The following RIMS2 variants were observed in gnomAD, a reference collection of about 807,000 sequenced individuals.
RIMS2 encodes regulating synaptic membrane exocytosis 2, also known as regulating synaptic membrane exocytosis protein 2.
Under a neutral mutation model 174.4 loss-of-function variants are expected in RIMS2, and 59 were observed. The observed-to-expected ratio is 0.34, with a 90% CI of 0.27 to 0.42. The LOEUF (loss-of-function observed/expected upper bound fraction) is 0.42, where lower values mean the gene tolerates loss of function less well. Among genes scored for constraint, RIMS2 ranks in the 10% least tolerant of loss-of-function variants. The pLI, the probability that RIMS2 is intolerant of heterozygous loss-of-function variation, is 1.00. For synonymous variants in RIMS2, 606 were observed against 572.5 expected, an observed-to-expected ratio of 1.06 and a Z score of -0.84; for missense variants, 1,620 against 1,666.3, an observed-to-expected ratio of 0.97 and a Z score of 0.48.
At chr8:103,787,360 C>G (rs1221557839) in intron 3 of RIMS2, among the ~76,000 whole-genome samples, 1 of 151,480 alleles carries the variant, frequency 6.6e-6, no homozygotes, top group Admixed American at 6.6e-5. Context: ...CAGTTTCTTC[C>G]TAGTCTCGAT....
chr8:103,565,738 A>T (rs529537640), intron 1 of RIMS2, among the ~76,000 whole-genome samples: 1 of 152,262 alleles, frequency 6.6e-6, no homozygotes, highest in South Asian at 2.1e-4. Context: ...AGTCTTATGG[A>T]GTATCAGTGA....
intron 19 of RIMS2, among the ~76,000 whole-genome samples, chr8:104,119,318 G>T (rs986893694): frequency 6.6e-6 from 1 of 151,856 alleles, no homozygotes; most frequent in Admixed American, 6.6e-5. Flanking sequence ...CCGAGATCGC[G>T]CCATTGCACT....
chr8:103,727,415 T>C (rs139370638), intron 2 of RIMS2, among the ~76,000 whole-genome samples: 182 of 152,302 alleles, frequency 1.2e-3, no homozygotes, highest in African/African-American at 4.0e-3. Flanking sequence ...ATTCTGTGGG[T>C]TGTCTCTTCA....
chr8:104,226,290 C>T (rs2099187659), intron 19 of RIMS2, among the ~76,000 whole-genome samples: 1 of 151,964 alleles, frequency 6.6e-6, no homozygotes, highest in Non-Finnish European at 1.5e-5. Flanking sequence ...AAGCTAGTCT[C>T]TTTTTTTTAT....
At chr8:103,845,103 T>G (rs1330924101) in intron 3 of RIMS2, among the ~76,000 whole-genome samples, 1 of 152,140 alleles carries the variant, frequency 6.6e-6, no homozygotes, top group Non-Finnish European at 1.5e-5. Flanking sequence ...TTATACCATT[T>G]TATTGTTGCT....
intron 1 of RIMS2, among the ~76,000 whole-genome samples, chr8:103,601,471 TATAA>T (rs2133764963): frequency 6.7e-6 from 1 of 149,422 alleles, no homozygotes; most frequent in South Asian, 2.1e-4. Context: ...TTTTGTCTGA[TATAA>T]ATATAGTGAC....
intron 3 of RIMS2, among the ~76,000 whole-genome samples, chr8:103,810,087 G>T (rs1207334477): frequency 6.6e-6 from 1 of 152,106 alleles, no homozygotes; most frequent in Non-Finnish European, 1.5e-5. Context: ...GGGCAGCAAG[G>T]TAGAATCTAA....
intron 3 of RIMS2, among the ~76,000 whole-genome samples, chr8:103,789,816 C>G (rs891546931): frequency 8.7e-5 from 12 of 138,130 alleles, no homozygotes; most frequent in African/African-American, 3.3e-4. Context: ...GACGGTAGCA[C>G]AGTCATGCTC....
intron 3 of RIMS2, among the ~76,000 whole-genome samples, chr8:103,793,329 C>T (rs936558069): frequency 6.6e-6 from 1 of 152,122 alleles, no homozygotes; most frequent in Non-Finnish European, 1.5e-5. Flanking sequence ...AAGACAAAAA[C>T]CACATGATTA....
intron 19 of RIMS2, among the ~76,000 whole-genome samples, chr8:104,067,368 A>T (rs778609554): frequency 5.3e-5 from 8 of 152,152 alleles, no homozygotes; most frequent in Non-Finnish European, 8.8e-5. Flanking sequence ...TGAGAAATGG[A>T]ATATTCCTAT....
intron 3 of RIMS2, among the ~76,000 whole-genome samples, chr8:103,830,140 A>G (rs1298776314): frequency 1.3e-5 from 2 of 151,416 alleles, no homozygotes; most frequent in Non-Finnish European, 3.0e-5. Flanking sequence ...TCTTTCTCTC[A>G]TTTGCCTATT....
intron 3 of RIMS2, among the ~76,000 whole-genome samples, chr8:103,789,105 A>C (rs1468319991): frequency 1.3e-5 from 2 of 152,164 alleles, no homozygotes; most frequent in Non-Finnish European, 2.9e-5. Flanking sequence ...TTCCCAAGGG[A>C]GGCAATGCCT....
intron 3 of RIMS2, among the ~76,000 whole-genome samples, chr8:103,775,447 T>G (rs896307046): frequency 6.6e-6 from 1 of 152,120 alleles, no homozygotes; most frequent in African/African-American, 2.4e-5. Context: ...TAACCTTTAT[T>G]CCTAGATATT....
At chr8:103,920,681 T>A (rs1398715967) in intron 9 of RIMS2, 5 of 457,120 alleles carry the variant, frequency 1.1e-5, no homozygotes, top group East Asian at 6.9e-5. Flanking sequence ...TTTTTATACA[T>A]CCATTCCCTT....
intron 2 of RIMS2, among the ~76,000 whole-genome samples, chr8:103,703,429 G>GGTT (rs1203304313): frequency 5.3e-5 from 8 of 152,056 alleles, no homozygotes; most frequent in African/African-American, 1.4e-4. Flanking sequence ...GTAGAGACAG[G>GGTT]GTTTCGCCAT....
intron 1 of RIMS2, among the ~76,000 whole-genome samples, chr8:103,627,871 C>G (rs951219335): frequency 5.3e-5 from 8 of 152,122 alleles, no homozygotes; most frequent in Admixed American, 4.6e-4. Context: ...TTAGATGAAG[C>G]ATACTTTGGG....
intron 4 of RIMS2, among the ~76,000 whole-genome samples, chr8:103,888,889 C>T (rs1207270292): frequency 1.3e-5 from 2 of 151,540 alleles, no homozygotes; most frequent in Non-Finnish European, 1.5e-5. Context: ...TCACAGAGGA[C>T]AGTTTCTGCC....
chr8:104,193,470 A>T (rs2099008420), intron 19 of RIMS2, among the ~76,000 whole-genome samples: 1 of 152,034 alleles, frequency 6.6e-6, no homozygotes, highest in South Asian at 2.1e-4. Flanking sequence ...TGTCTTTTGG[A>T]TTTATGGAGT....
At chr8:104,240,579 G>A (rs1190561710) in intron 19 of RIMS2, among the ~76,000 whole-genome samples, 2 of 152,178 alleles carry the variant, frequency 1.3e-5, no homozygotes, top group Non-Finnish European at 2.9e-5. Flanking sequence ...TATGTCAGAT[G>A]ATAGTGATTA....
Sources: gnomAD v4.1 joint callset for allele counts (sites outside exome capture counted in the v4.1 genomes callset) on GRCh38, gnomAD v4.1.1 for gene constraint, MANE v1.5 for transcripts, NCBI Gene and HGNC (gene_info 2026-07-23, HGNC 2026-07-21) for gene names.